The following EXOC4 variants were observed in gnomAD, a reference collection of about 807,000 sequenced individuals.
The protein encoded by EXOC4 is exocyst complex component 4.
In EXOC4, 71 loss-of-function variants were observed where a neutral mutation model predicts 107.2. That is an observed-to-expected ratio of 0.66 (90% CI 0.55 to 0.81). EXOC4 has a LOEUF of 0.81. Among genes scored for constraint, EXOC4 ranks in the 30% least tolerant of loss-of-function variants. The pLI, the probability that EXOC4 is intolerant of heterozygous loss-of-function variation, is 0.00. For missense variants in EXOC4, 1,108 were observed against 1,189.6 expected, an observed-to-expected ratio of 0.93 and a Z score of 1.01; for synonymous variants, 456 against 441.2, an observed-to-expected ratio of 1.03 and a Z score of -0.42.
intron 9 of EXOC4, among the ~76,000 whole-genome samples, chr7:133,538,882 A>AGAGC (rs1357203821): frequency 1.7e-5 from 1 of 59,946 alleles, no homozygotes; most frequent in East Asian, 4.5e-4. Context: ...AGAGAGAGAG[A>AGAGC]GGGAGGGAGG....
At chr7:133,677,734 A>G (rs1423560155) in intron 10 of EXOC4, among the ~76,000 whole-genome samples, 1 of 152,190 alleles carries the variant, frequency 6.6e-6, no homozygotes, top group Non-Finnish European at 1.5e-5. Flanking sequence ...AGGCCACCCA[A>G]ACCTGCTAAT....
At chr7:133,792,422 A>G (rs1235036782) in intron 10 of EXOC4, among the ~76,000 whole-genome samples, 1 of 151,804 alleles carries the variant, frequency 6.6e-6, no homozygotes, top group East Asian at 1.9e-4. Context: ...GTGGTGTGGC[A>G]CGCACCTGTA....
chr7:133,496,761 C>T (rs1212715462), intron 9 of EXOC4, among the ~76,000 whole-genome samples: 1 of 152,040 alleles, frequency 6.6e-6, no homozygotes, highest in African/African-American at 2.4e-5. Context: ...GACCCATGCC[C>T]ATGTATTTAT....
chr7:133,992,853 A>G (rs921287129), intron 14 of EXOC4, among the ~76,000 whole-genome samples: 15 of 150,424 alleles, frequency 1.0e-4, no homozygotes, highest in African/African-American at 3.2e-4. Context: ...AAGGCTTTCA[A>G]TTTTTCCCCA....
At chr7:133,806,961 C>T (rs1797090671) in intron 10 of EXOC4, among the ~76,000 whole-genome samples, 1 of 152,198 alleles carries the variant, frequency 6.6e-6, no homozygotes, top group African/African-American at 2.4e-5. Flanking sequence ...TGCAGGTCCA[C>T]TTCTATGCTG....
chr7:133,934,735 C>A (rs1189266617), intron 13 of EXOC4, among the ~76,000 whole-genome samples: 1 of 152,034 alleles, frequency 6.6e-6, no homozygotes, highest in Non-Finnish European at 1.5e-5. Context: ...TGTGTTATAT[C>A]TATCACAGAT....
At chr7:133,803,190 A>G (rs996711229) in intron 10 of EXOC4, among the ~76,000 whole-genome samples, 1 of 152,170 alleles carries the variant, frequency 6.6e-6, no homozygotes, top group Non-Finnish European at 1.5e-5. Flanking sequence ...ATTTTTTCGC[A>G]AGTTTTATCT....
chr7:134,047,901 T>C (rs1303380311), intron 17 of EXOC4, among the ~76,000 whole-genome samples: 1 of 152,206 alleles, frequency 6.6e-6, no homozygotes, highest in Non-Finnish European at 1.5e-5. Context: ...AAGAGTTTAA[T>C]TGATGCGAGG....
rs143275406 is a variant in EXOC4 at position 133,284,073 on chromosome 7, T to C, written c.277-4849T>C. ...GTTACCTCGGTTTAGAGAATTTTGG[T>C]GTGGTCATTTTCTACACAGCCTGAT... On this transcript the variant is annotated intron_variant, in intron 2 of 17. Transcript: ENST00000253861. Among the ~76,000 whole-genome samples, 950 of 152,302 alleles carry C rather than the reference T, an allele frequency of 6.2e-3. 9 individuals are homozygous for C. Among genetic ancestry groups the C allele is most frequent in the African/African-American group, 0.022 (907 of 41,568 alleles).
At chr7:133,278,160 A>C (rs1291110039) in intron 2 of EXOC4, among the ~76,000 whole-genome samples, 4 of 152,208 alleles carry the variant, frequency 2.6e-5, no homozygotes, top group African/African-American at 9.6e-5. Context: ...CAGGGAGCTT[A>C]TGTGCAAATG....
intron 10 of EXOC4, among the ~76,000 whole-genome samples, chr7:133,697,797 A>G (rs190869019): frequency 1.3e-5 from 2 of 152,282 alleles, no homozygotes; most frequent in East Asian, 3.9e-4. Flanking sequence ...TGATAGGACC[A>G]CTGTTGAAGG....
At chr7:133,747,636 T>A (rs1357806037) in intron 10 of EXOC4, among the ~76,000 whole-genome samples, 1 of 152,176 alleles carries the variant, frequency 6.6e-6, no homozygotes, top group Non-Finnish European at 1.5e-5. Context: ...TTGAAGTGTA[T>A]GTTGGTAAAA....
intron 7 of EXOC4, among the ~76,000 whole-genome samples, chr7:133,436,344 A>G (rs1355354450): frequency 3.3e-5 from 5 of 152,126 alleles, no homozygotes; most frequent in African/African-American, 1.2e-4. Context: ...ATCATTACTC[A>G]TATAAATGAT....
intron 11 of EXOC4, among the ~76,000 whole-genome samples, chr7:133,835,202 G>A (rs1431573110): frequency 2.0e-5 from 3 of 152,178 alleles, no homozygotes; most frequent in African/African-American, 7.2e-5. Flanking sequence ...TATAATTTAT[G>A]TTATAGTCAT....
In EXOC4 at chr7:133,594,550, G is replaced by A. The variant is rs370690871; in HGVS notation, c.1418-35495G>A. ...TCGCTCTTTCACCAGGCTGGAGTGCGATGGCGTGATCTTGGCTCACTGCAA... is the reference window on the plus strand; with the variant it reads ...TCGCTCTTTCACCAGGCTGGAGTGCAATGGCGTGATCTTGGCTCACTGCAA... On this transcript the variant is annotated intron_variant, in intron 9 of 17. Coordinates refer to ENST00000253861, the MANE Select transcript of EXOC4 (RefSeq NM_021807.4). Among the ~76,000 whole-genome samples, 6 of 142,544 alleles carry A rather than the reference G, an allele frequency of 4.2e-5. No individual in the cohort carries two copies. In the South Asian group the frequency reaches 6.7e-4, roughly 16 times the overall value. 93.5% of individuals were successfully genotyped at this position (142,544 alleles called of 152,430 possible). A position where few individuals can be genotyped will look rare whatever the true frequency, so the allele number is the denominator to read the frequency against.
intron 16 of EXOC4, among the ~76,000 whole-genome samples, chr7:134,007,382 T>A (rs1410636941): frequency 6.6e-6 from 1 of 152,176 alleles, no homozygotes; most frequent in Admixed American, 6.5e-5. Context: ...TAACCTGGCC[T>A]CTTCTCTAAG....
rs1180020233 is a variant in EXOC4 at position 133,823,913 on chromosome 7, AT to A, written c.1734+6370del. The stretch of plus-strand genomic sequence containing the variant: ...ATATATTTTATATATATATATATAA[AT>A]ATATATATAAATTATATATATATTA... On this transcript the variant is annotated intron_variant, in intron 11 of 17. Transcript: ENST00000253861. Among the ~76,000 whole-genome samples, 5 of 49,180 alleles carry A rather than the reference AT, an allele frequency of 1.0e-4. 1 individual carries two copies. The highest frequency in any genetic ancestry group is 4.8e-4 in the African/African-American group (4 of 8,248). 32.3% of individuals were successfully genotyped at this position (49,180 alleles called of 152,430 possible).
At chr7:133,974,150 A>G (rs1793771888) in intron 14 of EXOC4, among the ~76,000 whole-genome samples, 1 of 152,206 alleles carries the variant, frequency 6.6e-6, no homozygotes, top group Admixed American at 6.5e-5. Flanking sequence ...ATAGCAGACT[A>G]TACCAAGGCA....
At chr7:134,059,231 A>G (rs1472732218) in intron 17 of EXOC4, among the ~76,000 whole-genome samples, 5 of 152,116 alleles carry the variant, frequency 3.3e-5, no homozygotes, top group Admixed American at 6.6e-5. Flanking sequence ...TCTTCCCTCA[A>G]TTTGCAAAGA....
Sources: allele counts gnomAD v4.1 joint callset (sites outside exome capture counted in the v4.1 genomes callset), GRCh38; gene constraint gnomAD v4.1.1; transcripts MANE v1.5; gene names NCBI Gene and HGNC (gene_info 2026-07-23, HGNC 2026-07-21).